JAG1: variants seen among roughly 807,000 people sequenced by gnomAD.
JAG1 encodes the protein jagged canonical Notch ligand 1, also known as protein jagged-1.
JAG1 carries 23 observed loss-of-function variants against 148.7 expected under a neutral mutation model. That is an observed-to-expected ratio of 0.15 (90% CI 0.11 to 0.22). JAG1 has a LOEUF of 0.22. Among genes scored for constraint, JAG1 ranks in the 10% least tolerant of loss-of-function variants. JAG1 has a pLI of 1.00. For missense variants in JAG1, 1,054 were observed against 1,611.2 expected, an observed-to-expected ratio of 0.65 and a Z score of 5.92; for synonymous variants, 572 against 598.3, an observed-to-expected ratio of 0.96 and a Z score of 0.64.
At chr20:10,661,660 G>A (rs2067418143) in intron 3 of JAG1, among the ~76,000 whole-genome samples, 1 of 152,198 alleles carries the variant, frequency 6.6e-6, no homozygotes, top group Non-Finnish European at 1.5e-5. Context: ...CAAGTGGTTG[G>A]TTTTTCATAA....
chr20:10,646,316 G>C (rs540896160), intron 14 of JAG1: 283 of 526,906 alleles, frequency 5.4e-4, no homozygotes, highest in Admixed American at 9.1e-4. Context: ...ACCGGTACTA[G>C]GTGAAAGTGG....
At chr20:10,668,810 C>A (rs1184765654) in intron 2 of JAG1, among the ~76,000 whole-genome samples, 1 of 152,118 alleles carries the variant, frequency 6.6e-6, no homozygotes, top group African/African-American at 2.4e-5. Context: ...AGGTTGCATG[C>A]CTGTAAGTTG....
At position 10,640,832 on chromosome 20, in the gene JAG1, A is replaced by G; in HGVS notation, c.3150T>C (p.Ala1050=). The part of the protein sequence containing the change: ...SKRDGNSSLI[A]AVAEVRVQRR... ...TCTGAACTCTTACTTCTGCAACGGC[A>G]GCAATCAGCGAGCTGTTTCCATCAC... Residue 1050 remains alanine (A), a synonymous_variant, in exon 25 of 26, where the codon GCT becomes GCC. Coordinates refer to ENST00000254958, the MANE Select transcript of JAG1 (RefSeq NM_000214.3). 6.2e-7 allele frequency: 1 copy of G among 1,614,216 alleles called. No homozygotes were observed. The highest frequency in any genetic ancestry group is 8.5e-7 in the Non-Finnish European group (1 of 1,180,026).
chr20:10,672,285 C>T (rs760278623), intron 2 of JAG1, among the ~76,000 whole-genome samples: 1 of 152,180 alleles, frequency 6.6e-6, no homozygotes, highest in African/African-American at 2.4e-5. Context: ...CCAATTTGGA[C>T]GGCGTTCGCA....
Position 10,643,635 on chromosome 20 carries a change from C to T in JAG1, c.2458+143G>A, listed in dbSNP as rs149552847. 5.6e-4 allele frequency: 416 copies of T among 739,172 alleles called. 2 individuals carry two copies. In the African/African-American group the frequency reaches 6.2e-3, roughly 11 times the overall value. The allele number at this position is 739,172 out of a possible 1,614,324, so 45.8% of individuals were successfully genotyped here. ...GGATCCAGCCTGGCATATCTTAATC[C>T]CAGCTGGAGGAGAGAGATCCTTTGC... On this transcript the variant is annotated intron_variant, in intron 20 of 25. Transcript: ENST00000254958.
Position 10,639,480 on chromosome 20 carries a change from G to T in JAG1, c.*18C>A. 1 of 1,606,394 alleles carries T rather than the reference G, an allele frequency of 6.2e-7. No homozygotes were observed. The stretch of plus-strand genomic sequence containing the variant: ...AAGCCCTCAGACTCTACCTAGCGGC[G>T]GCAGTGCCCGCGGTCTGCTATACGA... On this transcript the variant is annotated 3_prime_UTR_variant, in exon 26 of 26. Coordinates refer to ENST00000254958, the MANE Select transcript of JAG1 (RefSeq NM_000214.3).
intron 7 of JAG1, 33 bp from the exon 8 acceptor site, chr20:10,651,727 T>C: frequency 2.9e-6 from 4 of 1,368,344 alleles, no homozygotes; most frequent in Non-Finnish European, 4.2e-6. Context: ...CAGAGAGGGA[T>C]GCCTGCACAC....
At chr20:10,648,845 T>C (rs2067326411) in intron 11 of JAG1, 123 bp from the exon 12 acceptor site, 2 of 1,040,804 alleles carry the variant, frequency 1.9e-6, no homozygotes, top group African/African-American at 1.6e-5. Context: ...AGCCAAATGC[T>C]AAACCTCTGA....
chr20:10,664,070 C>T, intron 2 of JAG1, 56 bp from the exon 3 acceptor site: 4 of 1,408,986 alleles, frequency 2.8e-6, no homozygotes, highest in South Asian at 1.1e-5. Flanking sequence ...TTTCCAAAAT[C>T]TCGTACATTC....
intron 12 of JAG1, 57 bp downstream of exon 12, chr20:10,648,492 A>G: frequency 7.2e-7 from 1 of 1,397,666 alleles, no homozygotes; most frequent in East Asian, 2.3e-5. Flanking sequence ...AGGGAAGCGG[A>G]GGAGGCAGCG....
chr20:10,643,564 C>T (rs1222763924), intron 20 of JAG1, among the ~76,000 whole-genome samples: 1 of 152,174 alleles, frequency 6.6e-6, no homozygotes, highest in African/African-American at 2.4e-5. Flanking sequence ...TCCCCAAGAA[C>T]AAGGAGGGCT....
intron 2 of JAG1, among the ~76,000 whole-genome samples, chr20:10,669,078 A>G (rs1218826085): frequency 6.6e-6 from 1 of 152,106 alleles, no homozygotes; most frequent in Non-Finnish European, 1.5e-5. Context: ...CCATTTTTGG[A>G]GCAGCTATTC....
rs529043546 is a variant in JAG1, at chr20:10,651,142, C to A, written c.1120+439G>T. The A allele has an allele frequency of 9.4e-5, 16 of 170,154 alleles. No homozygotes were observed. In the South Asian group the frequency reaches 2.4e-3, roughly 25 times the overall value. The allele number at this position is 170,154 out of a possible 1,614,324, so 10.5% of individuals were successfully genotyped here. On this transcript the variant is annotated intron_variant, in intron 8 of 25. Coordinates refer to ENST00000254958, the MANE Select transcript of JAG1 (RefSeq NM_000214.3). ...CCCAGAGATTTACACTGTAAAGCAG[C>A]CCAGGTGATTCTGATATACAGCCCT...
chr20:10,663,754 G>A (rs1324748157), intron 3 of JAG1, among the ~76,000 whole-genome samples: 1 of 152,206 alleles, frequency 6.6e-6, no homozygotes, highest in Non-Finnish European at 1.5e-5. Flanking sequence ...CTGGGATTCT[G>A]TTCTGGCCAC....
Position 10,645,591 on chromosome 20 carries a change from A to AG in JAG1, c.2000-123dup, listed in dbSNP as rs2067303604. ...CTATTCTGAGAACAGCCACAGTCGT[A>AG]GTACTTTAACACAATCAGGCTTTTC... On this transcript the variant is annotated intron_variant, in intron 15 of 25. Coordinates refer to ENST00000254958, the MANE Select transcript of JAG1 (RefSeq NM_000214.3). This position sits in a 1 kb window ranked among gnomAD's most constrained non-coding sequence, Gnocchi z 6.1. The AG allele has an allele frequency of 7.4e-6, 6 of 813,008 alleles. No homozygotes were observed. Among genetic ancestry groups the AG allele is most frequent in the Non-Finnish European group, 1.2e-5 (6 of 480,238 alleles). 50.4% of individuals were successfully genotyped at this position (813,008 alleles called of 1,614,324 possible).
chr20:10,647,158 C>T (rs1660148014), intron 13 of JAG1, 55 bp from the exon 14 acceptor site: 1 of 1,608,622 alleles, frequency 6.2e-7, no homozygotes, highest in African/African-American at 1.3e-5. Flanking sequence ...ATGCGGCATT[C>T]CTAAGCCAAG....
chr20:10,644,584 G>A (rs983660555), intron 18 of JAG1, 200 bp from the exon 19 acceptor site: 2 of 663,498 alleles, frequency 3.0e-6, no homozygotes, highest in Non-Finnish European at 5.5e-6. Flanking sequence ...ACAGGAAGAG[G>A]CCCTGGTAGG....
rs773974344 is a variant in JAG1 at position 10,641,163 on chromosome 20, T to C, written c.2998A>G (p.Ile1000Val). 73 of 1,613,956 alleles carry C rather than the reference T, an allele frequency of 4.5e-5. No homozygotes were observed. The highest frequency in any genetic ancestry group is 1.8e-4 in the East Asian group (8 of 44,892). ...KNVSAEYSIY[I>V]ACEPSPSANN... ...GCTGAAGGGGAAGGCTCGCAAGCGA[T>C]GTAGATTGAATATTCAGCGGAAACA... The change falls in exon 24 of 26, where the codon ATC (isoleucine) becomes GTC (valine). Residue 1000 changes from isoleucine (I) to valine (V), a missense_variant. Around this residue, in one of 6 missense-constraint regions of JAG1, gnomAD observed 342 missense variants for 514.6 expected, o/e 0.66. Coordinates refer to ENST00000254958, the MANE Select transcript of JAG1 (RefSeq NM_000214.3).
rs1227967490 is a variant in JAG1 at position 10,638,042 on chromosome 20, A to G, written c.*1456T>C. ...ATTTATTGCCAAGAACAACACATCA[A>G]AGATGCATTTGTATGTTCATATAAC... On this transcript the variant is annotated 3_prime_UTR_variant, in exon 26 of 26. Coordinates refer to ENST00000254958, the MANE Select transcript of JAG1 (RefSeq NM_000214.3). 1.3e-5 allele frequency: 2 copies of G among 152,712 alleles called. No individual in the cohort carries two copies. Among genetic ancestry groups the G allele is most frequent in the Non-Finnish European group, 2.9e-5 (2 of 68,048 alleles). The allele number at this position is 152,712 out of a possible 1,614,324, so 9.5% of individuals were successfully genotyped here.
Sources: gnomAD v4.1 joint callset for allele counts (sites outside exome capture counted in the v4.1 genomes callset) on GRCh38, gnomAD v4.1.1 for gene constraint, gnomAD v4.1.1 regional missense constraint, Gnocchi (gnomAD v3.1) non-coding constraint, MANE v1.5 for transcripts, NCBI Gene and HGNC (gene_info 2026-07-23, HGNC 2026-07-21) for gene names.